GRIK1: variants seen among roughly 807,000 people sequenced by gnomAD.
GRIK1 encodes the protein glutamate ionotropic receptor kainate type subunit 1.
GRIK1 carries 69 observed loss-of-function variants against 105.7 expected under a neutral mutation model. That is an observed-to-expected ratio of 0.65 (90% CI 0.54 to 0.80). The LOEUF is 0.80. GRIK1 is among the 30% of genes least tolerant of loss of function. The pLI, the probability that GRIK1 is intolerant of heterozygous loss-of-function variation, is 0.00. For synonymous variants in GRIK1, 438 were observed against 431.3 expected, an observed-to-expected ratio of 1.02 and a Z score of -0.19; for missense variants, 1,109 against 1,167.3, an observed-to-expected ratio of 0.95 and a Z score of 0.73.
chr21:29,788,120 T>A (rs2066308922), intron 1 of GRIK1, among the ~76,000 whole-genome samples: 1 of 152,240 alleles, frequency 6.6e-6, no homozygotes, highest in Non-Finnish European at 1.5e-5. Context: ...AGACAGTCTA[T>A]ATCTTTCTAG....
chr21:29,767,834 G>T (rs1157944854), intron 1 of GRIK1, among the ~76,000 whole-genome samples: 2 of 149,576 alleles, frequency 1.3e-5, no homozygotes, highest in African/African-American at 2.5e-5. Context: ...GTGTGTGTTT[G>T]TGTGTGTGTG....
At chr21:29,665,628 C>T (rs943215401) in intron 4 of GRIK1, among the ~76,000 whole-genome samples, 7 of 152,206 alleles carry the variant, frequency 4.6e-5, no homozygotes, top group Admixed American at 1.3e-4. Context: ...TATATCTAAA[C>T]GCTAGTAAGA....
chr21:29,583,602 A>T (rs1048042907), intron 12 of GRIK1, among the ~76,000 whole-genome samples: 5 of 152,202 alleles, frequency 3.3e-5, no homozygotes, highest in Non-Finnish European at 7.3e-5. Flanking sequence ...CTTTGCACTT[A>T]TAAGAGAGCA....
Position 29,765,883 on chromosome 21 carries a change from G to A in GRIK1, c.119-71820C>T, listed in dbSNP as rs189420692. On this transcript the variant is annotated intron_variant, in intron 1 of 17. Transcript: ENST00000327783. ...TTTTTTTTTTTTGAGACAGAATCTC[G>A]CTCTGTCACCCAGGCTGGAGTGCAG... Among the ~76,000 whole-genome samples the A allele has an allele frequency of 3.7e-3, 546 of 149,188 alleles. 3 individuals carry two copies. The highest frequency in any genetic ancestry group is 4.6e-3 in the Non-Finnish European group (311 of 67,416).
chr21:29,703,863 C>T (rs186892513), intron 1 of GRIK1, among the ~76,000 whole-genome samples: 41 of 152,186 alleles, frequency 2.7e-4, no homozygotes, highest in African/African-American at 9.9e-4. Context: ...TTGATGTCAC[C>T]GTTGAGACAA....
At chr21:29,824,284 T>C (rs1293439375) in intron 1 of GRIK1, among the ~76,000 whole-genome samples, 2 of 152,040 alleles carry the variant, frequency 1.3e-5, no homozygotes, top group East Asian at 3.9e-4. Context: ...ACATTTTCTG[T>C]TTACCATTCA....
At chr21:29,626,431 C>T (rs993586958) in intron 7 of GRIK1, among the ~76,000 whole-genome samples, 3 of 152,008 alleles carry the variant, frequency 2.0e-5, no homozygotes, top group South Asian at 2.1e-4. Flanking sequence ...CCAGGGTGAA[C>T]GGTGTCTTTA....
chr21:29,588,797 C>G, intron 11 of GRIK1, 42 bp downstream of exon 11: 1 of 1,045,546 alleles, frequency 9.6e-7, no homozygotes, highest in Non-Finnish European at 1.5e-6. Context: ...CTTACTTTCT[C>G]TTATGCATAT....
chr21:29,561,914 C>A, intron 14 of GRIK1, 65 bp from the exon 15 acceptor site: 1 of 870,626 alleles, frequency 1.1e-6, no homozygotes, highest in South Asian at 1.4e-5. Flanking sequence ...TAAAGGTATT[C>A]AAAGTCCCAA....
chr21:29,922,148 C>G (rs1013791531), intron 1 of GRIK1, among the ~76,000 whole-genome samples: 1 of 152,058 alleles, frequency 6.6e-6, no homozygotes, highest in Non-Finnish European at 1.5e-5. Flanking sequence ...TTCATAAACT[C>G]TGACTTCAAT....
chr21:29,594,547 C>T (rs577078914), intron 9 of GRIK1, among the ~76,000 whole-genome samples: 40 of 152,344 alleles, frequency 2.6e-4, no homozygotes, highest in Non-Finnish European at 5.7e-4. Flanking sequence ...TCTAAATTAC[C>T]TGGCCCTGAT....
chr21:29,783,234 A>G (rs2066171991), intron 1 of GRIK1, among the ~76,000 whole-genome samples: 1 of 152,052 alleles, frequency 6.6e-6, no homozygotes, highest in South Asian at 2.1e-4. Context: ...ATATTTTTCT[A>G]TTACAATATT....
intron 1 of GRIK1, among the ~76,000 whole-genome samples, chr21:29,766,464 A>G (rs1359606526): frequency 6.6e-6 from 1 of 152,158 alleles, no homozygotes; most frequent in Non-Finnish European, 1.5e-5. Flanking sequence ...AGGAATCCTG[A>G]GATAGAGGTC....
At chr21:29,568,334 T>C (rs575872496) in intron 14 of GRIK1, among the ~76,000 whole-genome samples, 1 of 152,356 alleles carries the variant, frequency 6.6e-6, no homozygotes, top group Non-Finnish European at 1.5e-5. Context: ...GAAATGGTTA[T>C]AACTGTCTGA....
rs139206707 is a variant in GRIK1, at chr21:29,697,928, C to CTCTTTCTT, written c.119-3873_119-3866dup. Among the ~76,000 whole-genome samples, 857 of 145,960 alleles carry CTCTTTCTT rather than the reference C, an allele frequency of 5.9e-3. 9 individuals carry two copies. The highest frequency in any genetic ancestry group is 0.02 in the African/African-American group (771 of 38,062). On this transcript the variant is annotated intron_variant, in intron 1 of 17. Transcript: ENST00000327783. ...TTTCTTTCTTTCTTTCTCTCTCTCT[C>CTCTTTCTT]TCTTTCTTTCTTTCTTTCTTTTTTC...
At chr21:29,936,417 C>T (rs1477401048) in intron 1 of GRIK1, among the ~76,000 whole-genome samples, 1 of 152,130 alleles carries the variant, frequency 6.6e-6, no homozygotes, top group African/African-American at 2.4e-5. Flanking sequence ...AAGTCAGCCA[C>T]CCAATTAAGG....
At chr21:29,657,165 A>T (rs1211557667) in intron 4 of GRIK1, among the ~76,000 whole-genome samples, 1 of 152,224 alleles carries the variant, frequency 6.6e-6, no homozygotes, top group African/African-American at 2.4e-5. Context: ...CTTGAAAGGG[A>T]ACTGGGCAGG....
intron 9 of GRIK1, among the ~76,000 whole-genome samples, chr21:29,595,648 A>G (rs1220481389): frequency 1.3e-5 from 2 of 152,146 alleles, no homozygotes; most frequent in Non-Finnish European, 2.9e-5. Flanking sequence ...AAGTTGAACA[A>G]CCTGAAGCAA....
At chr21:29,912,215 A>C (rs1384844015) in intron 1 of GRIK1, among the ~76,000 whole-genome samples, 5 of 152,150 alleles carry the variant, frequency 3.3e-5, no homozygotes, top group African/African-American at 1.2e-4. Context: ...TCCAAAGGGC[A>C]TCAGCCTAAG....
Sources: gnomAD v4.1 joint callset for allele counts (sites outside exome capture counted in the v4.1 genomes callset) on GRCh38, gnomAD v4.1.1 for gene constraint, MANE v1.5 for transcripts, NCBI Gene and HGNC (gene_info 2026-07-23, HGNC 2026-07-21) for gene names.